GABRB2: variants seen among roughly 807,000 people sequenced by gnomAD.
GABRB2 encodes the protein gamma-aminobutyric acid type A receptor subunit beta2, also known as gamma-aminobutyric acid receptor subunit beta-2.
In GABRB2, 16 loss-of-function variants were observed where a neutral mutation model predicts 54.7. That is an observed-to-expected ratio of 0.29 (90% CI 0.20 to 0.44). The LOEUF (loss-of-function observed/expected upper bound fraction) is 0.44. Ranked by LOEUF, GABRB2 falls within the 20% of genes least tolerant of loss-of-function variation. The pLI is 1.00. For synonymous variants in GABRB2, 244 were observed against 233.8 expected, an observed-to-expected ratio of 1.04 and a Z score of -0.40; for missense variants, 355 against 644.0, an observed-to-expected ratio of 0.55 and a Z score of 4.86.
chr5:161,298,909 A>G (rs1757458770), intron 9 of GABRB2, among the ~76,000 whole-genome samples: 1 of 152,130 alleles, frequency 6.6e-6, no homozygotes, highest in Non-Finnish European at 1.5e-5. Flanking sequence ...CACTTAATAC[A>G]AGTTTATGTA....
chr5:161,472,419 CACAT>C (rs1758468276), intron 3 of GABRB2, among the ~76,000 whole-genome samples: 2 of 151,472 alleles, frequency 1.3e-5, no homozygotes, highest in Non-Finnish European at 2.9e-5. Context: ...AACACACACA[CACAT>C]ACACGCACAC....
At chr5:161,543,997 A>G (rs115462619) in intron 3 of GABRB2, among the ~76,000 whole-genome samples, 1,894 of 152,296 alleles carry the variant, frequency 0.012, 39 homozygotes, top group African/African-American at 0.043. Context: ...TAAGCACAGT[A>G]TTCATTTGCT....
chr5:161,489,690 T>C (rs1268860900), intron 3 of GABRB2, among the ~76,000 whole-genome samples: 1 of 151,658 alleles, frequency 6.6e-6, no homozygotes, highest in Non-Finnish European at 1.5e-5. Context: ...GCAAGTTAAA[T>C]GAACTGCATT....
chr5:161,450,663 T>A (rs1397548806), intron 4 of GABRB2, among the ~76,000 whole-genome samples: 2 of 152,192 alleles, frequency 1.3e-5, no homozygotes, highest in Admixed American at 1.3e-4. Context: ...GTCTCTAGGA[T>A]GTTAGGCACA....
chr5:161,376,262 G>A (rs939769259), intron 5 of GABRB2, among the ~76,000 whole-genome samples: 22 of 152,226 alleles, frequency 1.4e-4, no homozygotes, highest in Non-Finnish European at 2.6e-4. Context: ...ATGGGTTGAT[G>A]GACAGATAAC....
intron 8 of GABRB2, among the ~76,000 whole-genome samples, chr5:161,328,753 A>G (rs1210640206): frequency 6.6e-6 from 1 of 152,142 alleles, no homozygotes; most frequent in Non-Finnish European, 1.5e-5. Context: ...TATCCTGCAC[A>G]CTGCCAAATG....
intron 3 of GABRB2, among the ~76,000 whole-genome samples, chr5:161,468,504 C>T (rs1348257355): frequency 6.6e-6 from 1 of 152,068 alleles, no homozygotes; most frequent in Non-Finnish European, 1.5e-5. Context: ...AAGCTCAAAC[C>T]TCCTTGGTGG....
At chr5:161,381,475 A>G (rs1275622629) in intron 5 of GABRB2, among the ~76,000 whole-genome samples, 3 of 152,142 alleles carry the variant, frequency 2.0e-5, no homozygotes, top group African/African-American at 7.2e-5. Context: ...TTAAGGGTGA[A>G]AAGAGAGTCT....
chr5:161,517,683 T>G (rs951374558), intron 3 of GABRB2, among the ~76,000 whole-genome samples: 1 of 152,208 alleles, frequency 6.6e-6, no homozygotes, highest in Non-Finnish European at 1.5e-5. Context: ...GGTGTCATAG[T>G]AATTCCCAGA....
At chr5:161,374,668 T>C (rs1755233838) in intron 5 of GABRB2, among the ~76,000 whole-genome samples, 1 of 152,230 alleles carries the variant, frequency 6.6e-6, no homozygotes, top group African/African-American at 2.4e-5. Context: ...AACTTCCTTC[T>C]GTTCTCTGTT....
At chr5:161,304,171 C>T (rs138355959) in intron 9 of GABRB2, among the ~76,000 whole-genome samples, 39 of 152,262 alleles carry the variant, frequency 2.6e-4, no homozygotes, top group Non-Finnish European at 4.1e-4. Context: ...ATGAACTAGA[C>T]TAAAACACAA....
intron 4 of GABRB2, among the ~76,000 whole-genome samples, chr5:161,414,643 G>C (rs182452715): frequency 6.6e-6 from 1 of 152,056 alleles, no homozygotes; most frequent in East Asian, 1.9e-4. Flanking sequence ...TGTGTTATGA[G>C]ATCAGGAGCC....
At chr5:161,295,290 C>A (rs920020585) in intron 9 of GABRB2, among the ~76,000 whole-genome samples, 1 of 152,152 alleles carries the variant, frequency 6.6e-6, no homozygotes, top group Non-Finnish European at 1.5e-5. Flanking sequence ...TGGATAATTT[C>A]TTCTTGCAAA....
chr5:161,294,692 T>A (rs1253172921), intron 9 of GABRB2, among the ~76,000 whole-genome samples: 1 of 152,238 alleles, frequency 6.6e-6, no homozygotes, highest in Non-Finnish European at 1.5e-5. Context: ...GTTGCTAGTA[T>A]CATTTTCATT....
Position 161,440,168 on chromosome 5 carries a change from A to T in GABRB2, c.458+19456T>A, listed in dbSNP as rs1757428255. 1.3e-5 allele frequency among the ~76,000 whole-genome samples: 2 copies of T among 152,090 alleles called. 1 individual carries two copies. Among genetic ancestry groups the T allele is most frequent in the South Asian group, 4.1e-4 (2 of 4,820 alleles). ...ATCACCTTCACAAAAGGGAGACAGG[A>T]AGGAAAGAAAGAAGAGAATACCATA... On this transcript the variant is annotated intron_variant, in intron 4 of 9. Transcript: ENST00000393959.
At chr5:161,318,622 C>T (rs1758114587) in intron 9 of GABRB2, among the ~76,000 whole-genome samples, 1 of 152,020 alleles carries the variant, frequency 6.6e-6, no homozygotes, top group East Asian at 1.9e-4. Flanking sequence ...GTCACTTAAA[C>T]TTCCAGTACA....
intron 4 of GABRB2, among the ~76,000 whole-genome samples, chr5:161,441,468 C>T (rs548992309): frequency 4.6e-5 from 7 of 152,092 alleles, no homozygotes; most frequent in South Asian, 4.1e-4. Flanking sequence ...ATGGTGATGA[C>T]GATGTGAAGA....
At chr5:161,410,409 C>CACACAT (rs1756474495) in intron 5 of GABRB2, among the ~76,000 whole-genome samples, 1 of 151,516 alleles carries the variant, frequency 6.6e-6, no homozygotes, top group African/African-American at 2.4e-5. Flanking sequence ...CACACACACA[C>CACACAT]ACACACACAC....
chr5:161,288,449 T>G lies in GABRB2; in HGVS notation c.*5632A>C, dbSNP rs1479793371. On this transcript the variant is annotated 3_prime_UTR_variant, in exon 10 of 10. Transcript: ENST00000393959. Reference sequence around the variant, plus strand: ...ACACACACAATCTTTTTATTTTTATTTATATTTCTTAGTTCAAGAATTACA... The same window carrying G: ...ACACACACAATCTTTTTATTTTTATGTATATTTCTTAGTTCAAGAATTACA... The G allele has an allele frequency of 6.6e-6, 1 of 152,626 alleles. No homozygotes were observed. The highest frequency in any genetic ancestry group is 1.5e-5 in the Non-Finnish European group (1 of 68,032). The allele number at this position is 152,626 out of a possible 1,614,324, so 9.5% of individuals were successfully genotyped here. A position where few individuals can be genotyped will look rare whatever the true frequency, so the allele number is the denominator to read the frequency against.
Sources: gnomAD v4.1 joint callset for allele counts (sites outside exome capture counted in the v4.1 genomes callset) on GRCh38, gnomAD v4.1.1 for gene constraint, MANE v1.5 for transcripts, NCBI Gene and HGNC (gene_info 2026-07-23, HGNC 2026-07-21) for gene names.